SIPA1L1: variants seen among roughly 807,000 people sequenced by gnomAD.
SIPA1L1 encodes the protein signal-induced proliferation-associated 1-like protein 1.
A neutral mutation model predicts 162.7 loss-of-function variants in SIPA1L1; 26 were observed. The ratio of observed to expected loss-of-function variants is 0.16; its 90% CI spans 0.12 to 0.22. The LOEUF (loss-of-function observed/expected upper bound fraction) is 0.22. Ranked by LOEUF, SIPA1L1 falls within the 10% of genes least tolerant of loss-of-function variation. The probability of loss-of-function intolerance (pLI) is 1.00; values close to 1 mark genes in which losing one functional copy is unlikely to be tolerated. For synonymous variants in SIPA1L1, 829 were observed against 837.4 expected, an observed-to-expected ratio of 0.99 and a Z score of 0.17; for missense variants, 1,874 against 2,241.0, an observed-to-expected ratio of 0.84 and a Z score of 3.31.
chr14:71,549,534 A>G (rs1399843547), intron 4 of SIPA1L1, among the ~76,000 whole-genome samples: 1 of 152,140 alleles, frequency 6.6e-6, no homozygotes. Context: ...AGCTGCAAAC[A>G]TCTCGTATTT....
At chr14:71,640,318 C>G (rs1290123126) in intron 7 of SIPA1L1, among the ~76,000 whole-genome samples, 1 of 151,986 alleles carries the variant, frequency 6.6e-6, no homozygotes, top group Non-Finnish European at 1.5e-5. Flanking sequence ...GGACCTTCAG[C>G]TTGGTTAAGA....
Position 71,588,278 on chromosome 14 carries a change from C to G in SIPA1L1, c.406C>G (p.Gln136Glu). 1 of 1,614,042 alleles carries G rather than the reference C, an allele frequency of 6.2e-7. No homozygotes were observed. The highest frequency in any genetic ancestry group is 2.2e-5 in the East Asian group (1 of 44,876). ...TGACTCAGCCATGCTGAAAAGCATA[C>G]AGAACACGCTGAAAAACAAGACAAG... is the stretch of plus-strand genomic sequence containing the variant. ...SNDSAMLKSIQNTLKNKTRPS... is the reference protein window; with the variant it reads ...SNDSAMLKSIENTLKNKTRPS... Residue 136 changes from glutamine (Q) to glutamate (E), a missense_variant, in exon 5 of 24, where the codon CAG becomes GAG. Physicochemically the swap from Gln to Glu is conservative, Grantham distance 29 (BLOSUM62 2). Transcript: ENST00000381232. The surrounding 1 kb of genome is among the most constrained non-coding windows in gnomAD (Gnocchi z 4.3).
intron 4 of SIPA1L1, among the ~76,000 whole-genome samples, chr14:71,580,263 TAG>T (rs2033737025): frequency 6.6e-6 from 1 of 152,160 alleles, no homozygotes; most frequent in African/African-American, 2.4e-5. Flanking sequence ...TGAGTCCACA[TAG>T]AGACATTCTT....
intron 2 of SIPA1L1, among the ~76,000 whole-genome samples, chr14:71,374,512 A>G (rs116842372): frequency 5.9e-5 from 9 of 151,976 alleles, no homozygotes; most frequent in Non-Finnish European, 1.2e-4. Flanking sequence ...ACAGTGTGGT[A>G]TGAAGTTTAC....
chr14:71,406,907 G>A (rs1373981256), intron 2 of SIPA1L1, among the ~76,000 whole-genome samples: 1 of 152,148 alleles, frequency 6.6e-6, no homozygotes, highest in Non-Finnish European at 1.5e-5. Context: ...TATAATGCCA[G>A]ATGCTGATTT....
chr14:71,325,232 T>G (rs1169977213), intron 2 of SIPA1L1, among the ~76,000 whole-genome samples: 1 of 152,260 alleles, frequency 6.6e-6, no homozygotes, highest in East Asian at 1.9e-4. Flanking sequence ...ATTGAATTTT[T>G]GCTTTTAGTT....
chr14:71,545,897 TTAA>T (rs1316423152), intron 4 of SIPA1L1, among the ~76,000 whole-genome samples: 9 of 152,010 alleles, frequency 5.9e-5, no homozygotes, highest in Non-Finnish European at 1.2e-4. Context: ...GTCCAGAAAT[TTAA>T]GACCAGCCTG....
chr14:71,574,161 G>C (rs139240190), intron 4 of SIPA1L1: 1 of 184,602 alleles, frequency 5.4e-6, no homozygotes, highest in African/African-American at 2.4e-5. Context: ...AGAATAAGGT[G>C]GGGTAGGGGT....
At chr14:71,696,663 C>T (rs1300184177) in intron 13 of SIPA1L1, among the ~76,000 whole-genome samples, 2 of 152,166 alleles carry the variant, frequency 1.3e-5, no homozygotes, top group African/African-American at 4.8e-5. Flanking sequence ...TAGGGATTCT[C>T]CTTCATTCAA....
In SIPA1L1 at chr14:71,614,491, T is replaced by C. The variant is rs562753246; in HGVS notation, c.1499-4266T>C. ...AGAGTCTGGTGATGATAGTGGTGAATTTAGCATGGGAAATTGGACCGGAGT... is the reference window on the plus strand; with the variant it reads ...AGAGTCTGGTGATGATAGTGGTGAACTTAGCATGGGAAATTGGACCGGAGT... On this transcript the variant is annotated intron_variant, in intron 5 of 23. Coordinates refer to ENST00000381232, the MANE Select transcript of SIPA1L1 (RefSeq NM_001386936.1). Among the ~76,000 whole-genome samples the C allele has an allele frequency of 1.4e-4, 22 of 152,236 alleles. No individual in the cohort carries two copies. The East Asian group carries it at 3.3e-3, about 23-fold the overall frequency.
At chr14:71,542,469 GCTTCTGCTTCTGCTT>G (rs1255200705) in intron 4 of SIPA1L1, among the ~76,000 whole-genome samples, 1 of 147,428 alleles carries the variant, frequency 6.8e-6, no homozygotes, top group Non-Finnish European at 1.5e-5. Flanking sequence ...TGCTGCTGCT[GCTTCTGCTTCTGCTT>G]CTTCTGCTTC....
At chr14:71,617,213 AT>A (rs2038939586) in intron 5 of SIPA1L1, among the ~76,000 whole-genome samples, 4 of 152,260 alleles carry the variant, frequency 2.6e-5, no homozygotes, top group Admixed American at 2.6e-4. Flanking sequence ...CAGTTGTTCT[AT>A]CACATTGCTG....
At chr14:71,700,723 G>A (rs546211315) in intron 14 of SIPA1L1, among the ~76,000 whole-genome samples, 16 of 152,182 alleles carry the variant, frequency 1.1e-4, no homozygotes, top group South Asian at 2.1e-4. Flanking sequence ...TGGCTGGTAC[G>A]GTGGCTGTCG....
intron 4 of SIPA1L1, among the ~76,000 whole-genome samples, chr14:71,563,097 A>T (rs1036809708): frequency 5.9e-5 from 9 of 152,226 alleles, no homozygotes; most frequent in African/African-American, 1.9e-4. Flanking sequence ...GGTACTAAGA[A>T]TAATACCTGG....
In SIPA1L1 at chr14:71,624,036, T is replaced by C. The variant is rs2039720336; in HGVS notation, c.1630-12T>C. On this transcript the variant is annotated splice_polypyrimidine_tract_variant and intron_variant, in intron 6 of 23. Transcript: ENST00000381232. Reference sequence around the variant, plus strand: ...CCCAGAAGCCTCACCACAGCACCTGTCTCTCTTGCAGCTCATGACACTGAG... The same window carrying C: ...CCCAGAAGCCTCACCACAGCACCTGCCTCTCTTGCAGCTCATGACACTGAG... 1 of 1,584,504 alleles carries C rather than the reference T, an allele frequency of 6.3e-7. No homozygotes were observed. The highest frequency in any genetic ancestry group is 8.6e-7 in the Non-Finnish European group (1 of 1,163,412).
intron 2 of SIPA1L1, among the ~76,000 whole-genome samples, chr14:71,335,288 T>C (rs1374189136): frequency 6.6e-6 from 1 of 152,032 alleles, no homozygotes; most frequent in African/African-American, 2.4e-5. Context: ...GGCGACAGAG[T>C]GAGACTGTGT....
At chr14:71,532,085 A>AT (rs1352437790) in intron 4 of SIPA1L1, among the ~76,000 whole-genome samples, 2 of 152,084 alleles carry the variant, frequency 1.3e-5, no homozygotes, top group African/African-American at 4.8e-5. Flanking sequence ...AACTCAAAAG[A>AT]TTTTTTCCCC....
intron 2 of SIPA1L1, among the ~76,000 whole-genome samples, chr14:71,324,158 T>C (rs934897479): frequency 6.6e-6 from 1 of 152,228 alleles, no homozygotes; most frequent in African/African-American, 2.4e-5. Context: ...GAAAGTACTT[T>C]GTAAACTATA....
intron 5 of SIPA1L1, among the ~76,000 whole-genome samples, chr14:71,612,857 A>G (rs1324134710): frequency 1.3e-5 from 2 of 152,204 alleles, no homozygotes; most frequent in Admixed American, 1.3e-4. Flanking sequence ...TATAATCATT[A>G]TTGTGAAAGT....
Sources: allele counts gnomAD v4.1 joint callset (sites outside exome capture counted in the v4.1 genomes callset), GRCh38; gene constraint gnomAD v4.1.1; non-coding constraint Gnocchi (gnomAD v3.1); transcripts MANE v1.5; gene names NCBI Gene and HGNC (gene_info 2026-07-23, HGNC 2026-07-21).